Variants in ZCCHC7 observed in about 807,000 individuals in gnomAD.
The protein encoded by ZCCHC7 is zinc finger CCHC-type containing 7, also known as zinc finger CCHC domain-containing protein 7.
Under a neutral mutation model 52.0 loss-of-function variants are expected in ZCCHC7, and 35 were observed. That is an observed-to-expected ratio of 0.67 (90% CI 0.51 to 0.89). The LOEUF (loss-of-function observed/expected upper bound fraction) is 0.89, where lower values mean the gene tolerates loss of function less well. ZCCHC7 is among the 40% of genes least tolerant of loss of function. The pLI, the probability that ZCCHC7 is intolerant of heterozygous loss-of-function variation, is 0.00. For missense variants in ZCCHC7, 574 were observed against 649.1 expected (o/e 0.88, Z 1.26); for synonymous variants, 217 against 221.5 (o/e 0.98, Z 0.18).
At chr9:37,218,740 T>C (rs1824649220) in intron 2 of ZCCHC7, among the ~76,000 whole-genome samples, 2 of 152,176 alleles carry the variant, frequency 1.3e-5, no homozygotes, top group Non-Finnish European at 1.5e-5. Context: ...ACCTGGGAGA[T>C]AGAGGTTGCA....
At chr9:37,144,354 G>A (rs1843346842) in intron 2 of ZCCHC7, among the ~76,000 whole-genome samples, 1 of 151,808 alleles carries the variant, frequency 6.6e-6, no homozygotes, top group Non-Finnish European at 1.5e-5. Flanking sequence ...TTTGAAAAGG[G>A]ATGAAAGGGA....
intron 2 of ZCCHC7, among the ~76,000 whole-genome samples, chr9:37,138,050 G>A (rs1827826499): frequency 6.6e-6 from 1 of 152,140 alleles, no homozygotes; most frequent in African/African-American, 2.4e-5. Context: ...GATGTTTTCA[G>A]CTTTTGTAAG....
intron 2 of ZCCHC7, among the ~76,000 whole-genome samples, chr9:37,285,571 ATTG>A (rs1486226965): frequency 6.6e-6 from 1 of 152,118 alleles, no homozygotes; most frequent in Non-Finnish European, 1.5e-5. Context: ...AATAGGCTAT[ATTG>A]TTGTTTTGGA....
rs180740774 is a variant in ZCCHC7 at position 37,157,975 on chromosome 9, G to T, written c.610+31033G>T. ...AAAGGAAATGCAACTACTGTCTTGAGGAGATATTTGCACTGCCATGTTACG... is the reference window on the plus strand; with the variant it reads ...AAAGGAAATGCAACTACTGTCTTGATGAGATATTTGCACTGCCATGTTACG... On this transcript the variant is annotated intron_variant, in intron 2 of 8. Transcript: ENST00000336755. Among the ~76,000 whole-genome samples the T allele has an allele frequency of 5.3e-5, 8 of 152,320 alleles. No individual in the cohort carries two copies. The East Asian group carries it at 1.2e-3, about 22-fold the overall frequency.
chr9:37,174,805 A>C (rs1821927264), intron 2 of ZCCHC7, among the ~76,000 whole-genome samples: 1 of 152,152 alleles, frequency 6.6e-6, no homozygotes, highest in Non-Finnish European at 1.5e-5. Flanking sequence ...GCTATGTGCT[A>C]GGTGCTTTAT....
rs113859921 is a variant in ZCCHC7 at position 37,218,349 on chromosome 9, C to T, written c.611-83839C>T. ...GTCTTTCCACTTGATTCCTTACTGA[C>T]TCCCCAAGTTAACTATTATGGGTTC... On this transcript the variant is annotated intron_variant, in intron 2 of 8. Transcript: ENST00000336755. Among the ~76,000 whole-genome samples, 9 of 152,310 alleles carry T rather than the reference C, an allele frequency of 5.9e-5. 1 individual carries two copies. The highest frequency in any genetic ancestry group is 1.9e-4 in the African/African-American group (8 of 41,574).
In ZCCHC7 at chr9:37,197,035, G is replaced by A. The variant is rs568725889; in HGVS notation, c.610+70093G>A. ...TGAGTATGTGTTGAGTTCATCATTT[G>A]AATACATAGTGCTGTTTTAAGTTAT... On this transcript the variant is annotated intron_variant, in intron 2 of 8. Transcript: ENST00000336755. Among the ~76,000 whole-genome samples the A allele has an allele frequency of 3.3e-5, 5 of 152,238 alleles. No homozygotes were observed. In the East Asian group the frequency reaches 7.7e-4, roughly 23 times the overall value.
At position 37,126,304 on chromosome 9, in the gene ZCCHC7, T is replaced by G; in HGVS notation, c.-21-8T>G. ...AGTATATTCTGTGTACAACTTTCTC[T>G]TTTGCAGCTTCAAGGTTACTGACTT... is the stretch of plus-strand genomic sequence containing the variant. On this transcript the variant is annotated splice_region_variant and splice_polypyrimidine_tract_variant and intron_variant, in intron 1 of 8. Coordinates refer to ENST00000336755, the MANE Select transcript of ZCCHC7 (RefSeq NM_032226.3). 3 of 1,589,660 alleles carry G rather than the reference T, an allele frequency of 1.9e-6. No homozygotes were observed. Among genetic ancestry groups the G allele is most frequent in the Non-Finnish European group, 2.6e-6 (3 of 1,169,644 alleles).
rs955631536 is a variant in ZCCHC7 at position 37,188,012 on chromosome 9, T to C, written c.610+61070T>C. Reference sequence around the variant, plus strand: ...AGTGAAACTTAAGAATTTGAAAATTTGAGTTTTCAGCCATTATTTACTCAA... The same window carrying C: ...AGTGAAACTTAAGAATTTGAAAATTCGAGTTTTCAGCCATTATTTACTCAA... On this transcript the variant is annotated intron_variant, in intron 2 of 8. Coordinates refer to ENST00000336755, the MANE Select transcript of ZCCHC7 (RefSeq NM_032226.3). 3.9e-5 allele frequency among the ~76,000 whole-genome samples: 6 copies of C among 152,228 alleles called. No individual in the cohort carries two copies. In the East Asian group the frequency reaches 9.6e-4, roughly 24 times the overall value.
At chr9:37,291,035 A>G (rs938427840) in intron 2 of ZCCHC7, among the ~76,000 whole-genome samples, 1 of 152,256 alleles carries the variant, frequency 6.6e-6, no homozygotes, top group Non-Finnish European at 1.5e-5. Context: ...TGCCTAAAGT[A>G]TTGCATTATC....
chr9:37,306,498 C>A (rs942751492), intron 5 of ZCCHC7, among the ~76,000 whole-genome samples: 1 of 151,606 alleles, frequency 6.6e-6, no homozygotes, highest in African/African-American at 2.4e-5. Context: ...TGGAGTCTCG[C>A]TCTGTTGCCC....
chr9:37,305,440 A>T, intron 4 of ZCCHC7, 104 bp from the exon 5 acceptor site: 2 of 1,328,916 alleles, frequency 1.5e-6, no homozygotes, highest in Middle Eastern at 2.7e-4. Context: ...CTTTATTGGG[A>T]TCTCAAATTA....
At chr9:37,241,552 G>GT (rs1184853798) in intron 2 of ZCCHC7, among the ~76,000 whole-genome samples, 1 of 151,840 alleles carries the variant, frequency 6.6e-6, no homozygotes, top group African/African-American at 2.4e-5. Context: ...GATTCAGGAA[G>GT]TAAGGTTGAC....
chr9:37,272,491 TAAAAAA>T (rs551495038), intron 2 of ZCCHC7, among the ~76,000 whole-genome samples: 1 of 97,822 alleles, frequency 1.0e-5, no homozygotes, highest in South Asian at 3.1e-4. Context: ...AGCTGTGTGG[TAAAAAA>T]AAAAAAAAAA....
intron 2 of ZCCHC7, among the ~76,000 whole-genome samples, chr9:37,251,555 A>G (rs1227745602): frequency 6.6e-6 from 1 of 151,886 alleles, no homozygotes; most frequent in Non-Finnish European, 1.5e-5. Context: ...CAGTTAGTCC[A>G]CTCTTCCGCT....
At position 37,314,414 on chromosome 9, in the gene ZCCHC7, A is replaced by C. The variant is rs377686827; in HGVS notation, c.951+8700A>C. On this transcript the variant is annotated intron_variant, in intron 5 of 8. Coordinates refer to ENST00000336755, the MANE Select transcript of ZCCHC7 (RefSeq NM_032226.3). ...AAGAATTTTATTAAATTTCAAACTT[A>C]TTATATGCCACCCCTTTTTAAAACT... Among the ~76,000 whole-genome samples, 9 of 152,326 alleles carry C rather than the reference A, an allele frequency of 5.9e-5. No individual in the cohort carries two copies. The East Asian group carries it at 1.2e-3, about 20-fold the overall frequency.
At chr9:37,336,740 T>G (rs1385276112) in intron 6 of ZCCHC7, among the ~76,000 whole-genome samples, 1 of 152,160 alleles carries the variant, frequency 6.6e-6, no homozygotes, top group Admixed American at 6.6e-5. Context: ...TGTTTTATAG[T>G]CTAGCCCAAT....
At chr9:37,289,360 C>T (rs190817419) in intron 2 of ZCCHC7, among the ~76,000 whole-genome samples, 15 of 151,970 alleles carry the variant, frequency 9.9e-5, no homozygotes, top group South Asian at 4.2e-4. Flanking sequence ...CATGTTGGCC[C>T]GGCTGGTCTC....
chr9:37,282,423 T>A (rs1174199339), intron 2 of ZCCHC7, among the ~76,000 whole-genome samples: 1 of 151,754 alleles, frequency 6.6e-6, no homozygotes, highest in Non-Finnish European at 1.5e-5. Context: ...GCTAACACAG[T>A]GAAACCCCGT....
Sources: gnomAD v4.1 joint callset for allele counts (sites outside exome capture counted in the v4.1 genomes callset) on GRCh38, gnomAD v4.1.1 for gene constraint, MANE v1.5 for transcripts, NCBI Gene and HGNC (gene_info 2026-07-23, HGNC 2026-07-21) for gene names.